USP6: variants seen among roughly 807,000 people sequenced by gnomAD.
The protein encoded by USP6 is ubiquitin specific peptidase 6.
Under a neutral mutation model 175.7 loss-of-function variants are expected in USP6, and 128 were observed. The ratio of observed to expected loss-of-function variants is 0.73; its 90% CI spans 0.63 to 0.84. USP6 has a LOEUF of 0.84. Among genes scored for constraint, USP6 ranks in the 40% least tolerant of loss-of-function variants. USP6 has a pLI of 0.00. For synonymous variants in USP6, 562 were observed against 630.6 expected (o/e 0.89, Z 1.63); for missense variants, 1,498 against 1,760.3 (o/e 0.85, Z 2.67).
At chr17:5,127,251 A>T (rs1355678911) in intron 6 of USP6, among the ~76,000 whole-genome samples, 1 of 152,136 alleles carries the variant, frequency 6.6e-6, no homozygotes, top group East Asian at 1.9e-4. Flanking sequence ...TCCATGAGTC[A>T]GCCACCCCTC....
chr17:5,117,247 G>T (rs2072558298), intron 1 of USP6, among the ~76,000 whole-genome samples: 1 of 152,172 alleles, frequency 6.6e-6, no homozygotes, highest in South Asian at 2.1e-4. Flanking sequence ...CCTGGGCGAG[G>T]GGGCTCAAGC....
intron 2 of USP6, among the ~76,000 whole-genome samples, chr17:5,118,641 G>T (rs1018254624): frequency 5.3e-5 from 8 of 152,252 alleles, no homozygotes; most frequent in Non-Finnish European, 1.2e-4. Flanking sequence ...AGCCAAACTT[G>T]GTGGGTCCCA....
In USP6 at chr17:5,172,988, T is replaced by G. The variant is rs775746329; in HGVS notation, c.*10T>G. 6.2e-7 allele frequency: 1 copy of G among 1,613,072 alleles called. No individual in the cohort carries two copies. The highest frequency in any genetic ancestry group is 1.1e-5 in the South Asian group (1 of 91,006). On this transcript the variant is annotated 3_prime_UTR_variant, in exon 38 of 38. Transcript: ENST00000574788. Reference sequence around the variant, plus strand: ...CTCTATGTTACAGTAAAGCTACCACTCTGGCTGCTAGACAGCTTGGTGGCG... The same window carrying G: ...CTCTATGTTACAGTAAAGCTACCACGCTGGCTGCTAGACAGCTTGGTGGCG...
At chr17:5,130,339 G>A in intron 9 of USP6, 28 bp from the exon 10 acceptor site, 3 of 1,613,196 alleles carry the variant, frequency 1.9e-6, no homozygotes, top group East Asian at 2.2e-5. Context: ...CGGGTACAGT[G>A]TAACCTTTAG....
At chr17:5,140,734 A>C (rs776990747) in intron 22 of USP6, among the ~76,000 whole-genome samples, 1 of 152,182 alleles carries the variant, frequency 6.6e-6, no homozygotes. Flanking sequence ...CCTTCAGCTC[A>C]TGCCTCTTCA....
At chr17:5,150,300 AAATAAAT>A (rs1567800998) in intron 30 of USP6, among the ~76,000 whole-genome samples, 1 of 95,826 alleles carries the variant, frequency 1.0e-5, no homozygotes, top group East Asian at 3.5e-4. Flanking sequence ...CTAAAAAAAT[AAATAAAT>A]AAATAAATAA....
rs367894156 is a variant in USP6 at position 5,146,028 on chromosome 17, A to G, written c.2173A>G (p.Lys725Glu). 3 of 1,577,298 alleles carry G rather than the reference A, an allele frequency of 1.9e-6. No individual in the cohort carries two copies. Among genetic ancestry groups the G allele is most frequent in the South Asian group, 1.2e-5 (1 of 84,626 alleles). ...SYMDLEITVI[K>E]LDGTTPVRYG... ...AGATCTTTTCTCTTTACTAGTGATT[A>G]AGTTAGATGGTACTACCCCTGTACG... Residue 725 changes from lysine to glutamate, a missense_variant, in exon 28 of 38, where the codon AAG becomes GAG. Physicochemically the swap from Lys to Glu is moderately conservative, Grantham distance 56 (BLOSUM62 1). Around this residue, in one of 2 missense-constraint regions of USP6, gnomAD observed 1,217 missense variants for 1,500.8 expected, o/e 0.81. Coordinates refer to ENST00000574788, the MANE Select transcript of USP6 (RefSeq NM_001304284.2).
intron 25 of USP6, among the ~76,000 whole-genome samples, chr17:5,144,372 G>A (rs995344375): frequency 1.3e-5 from 2 of 152,034 alleles, no homozygotes; most frequent in South Asian, 4.1e-4. Flanking sequence ...TATAGAACAG[G>A]ATGTCTTTCC....
chr17:5,137,677 G>A lies in USP6; in HGVS notation c.852G>A (p.Leu284=), dbSNP rs1349485877. The A allele has an allele frequency of 1.2e-6, 2 of 1,607,428 alleles. No individual in the cohort carries two copies. Among genetic ancestry groups the A allele is most frequent in the African/African-American group, 1.3e-5 (1 of 74,916 alleles). The change falls in exon 20 of 38, where the codon CTG becomes CTA. Residue 284 remains leucine (L), a synonymous_variant. Coordinates refer to ENST00000574788, the MANE Select transcript of USP6 (RefSeq NM_001304284.2). ...DGISLGLTLR[L]WDVYLVEGEQ... is the part of the protein sequence containing the mutation. ...TCTCTCTCGGGCTCACCCTGCGCCT[G>A]TGGGACGTGTATTTGGTGGAAGGAG...
At position 5,132,893 on chromosome 17, in the gene USP6, C is replaced by T; in HGVS notation, c.196-17C>T. ...AGCCTGGCAGCTCCACTAACTCCAA[C>T]ATGCCTCATTTGACAGAAAATTCGG... On this transcript the variant is annotated splice_polypyrimidine_tract_variant and intron_variant, in intron 12 of 37. Coordinates refer to ENST00000574788, the MANE Select transcript of USP6 (RefSeq NM_001304284.2). The surrounding 1 kb of genome is among the most constrained non-coding windows in gnomAD (Gnocchi z 4.7). 6.2e-7 allele frequency: 1 copy of T among 1,614,090 alleles called. No homozygotes were observed. Among genetic ancestry groups the T allele is most frequent in the Non-Finnish European group, 8.5e-7 (1 of 1,179,950 alleles).
At chr17:5,148,896 A>G (rs779467333) in intron 30 of USP6, 129 bp downstream of exon 30, 5 of 1,425,874 alleles carry the variant, frequency 3.5e-6, no homozygotes, top group Non-Finnish European at 4.6e-6. Context: ...AAAATTTAAT[A>G]CTTTTACAAA....
rs942306858 is a variant in USP6 at position 5,168,892 on chromosome 17, C to T, written c.3354C>T (p.Cys1118=). Residue 1118 remains cysteine, a synonymous_variant, in exon 35 of 38, where the codon TGC becomes TGT. Coordinates refer to ENST00000574788, the MANE Select transcript of USP6 (RefSeq NM_001304284.2). ...TGGTACCACGAGACCCGGCCCTCTG[C>T]CAGCATAAACCACTCACACCCCAGG... is the stretch of plus-strand genomic sequence containing the variant. ...AFLVPRDPAL[C]QHKPLTPQGD... The T allele has an allele frequency of 2.5e-6, 4 of 1,613,798 alleles. No individual in the cohort carries two copies. Among genetic ancestry groups the T allele is most frequent in the Non-Finnish European group, 3.4e-6 (4 of 1,179,870 alleles).
chr17:5,170,797 A>G lies in USP6; in HGVS notation c.3836A>G (p.Asn1279Ser), dbSNP rs774161848. The change falls in exon 36 of 38, where the codon AAT (asparagine) becomes AGT (serine). Residue 1279 changes from asparagine to serine, a missense_variant. Around this residue, in one of 2 missense-constraint regions of USP6, gnomAD observed 1,217 missense variants for 1,500.8 expected, o/e 0.81. Coordinates refer to ENST00000574788, the MANE Select transcript of USP6 (RefSeq NM_001304284.2). ...GFLYEHEACG[N>S]GCGDGYSNGQ... is the part of the protein sequence containing the mutation. ...CTTTATGAGCATGAAGCATGTGGCA[A>G]TGGCTGTGGCGATGGCTACAGCAAT... The G allele has an allele frequency of 5.6e-6, 9 of 1,613,838 alleles. No homozygotes were observed. In the Admixed American group the frequency reaches 8.3e-5, roughly 15 times the overall value.
intron 30 of USP6, among the ~76,000 whole-genome samples, chr17:5,151,587 A>G (rs2073774476): frequency 6.6e-6 from 1 of 152,222 alleles, no homozygotes; most frequent in African/African-American, 2.4e-5. Context: ...TCATCCAGAT[A>G]TCAAGATTTA....
At chr17:5,140,283 G>C (rs554777901) in intron 22 of USP6, among the ~76,000 whole-genome samples, 4 of 152,286 alleles carry the variant, frequency 2.6e-5, no homozygotes, top group African/African-American at 9.6e-5. Flanking sequence ...AAAAAATTTA[G>C]GCCGGGTGTG....
chr17:5,122,756 C>T (rs2072728674), intron 4 of USP6, among the ~76,000 whole-genome samples: 1 of 152,236 alleles, frequency 6.6e-6, no homozygotes, highest in African/African-American at 2.4e-5. Flanking sequence ...CGGGTATCCC[C>T]AAACTTCCCA....
In USP6 at chr17:5,171,663, A is replaced by AT; in HGVS notation, c.4032dup (p.Asp1345Ter). 6.2e-7 allele frequency: 1 copy of AT among 1,613,858 alleles called. No homozygotes were observed. On this transcript the variant is annotated frameshift_variant, in exon 37 of 38. Coordinates refer to ENST00000574788, the MANE Select transcript of USP6 (RefSeq NM_001304284.2). LOFTEE classifies it high-confidence loss of function. ...CCAAACTGCAAGTGGTACTGTTATA[A>AT]TGACAGCAGCTGTGAGGTAAACATT...
intron 15 of USP6, chr17:5,134,738 C>A: frequency 5.1e-6 from 1 of 194,434 alleles, no homozygotes; most frequent in South Asian, 9.5e-5. Flanking sequence ...AAGCCAGACC[C>A]AATAAGCTAC....
intron 5 of USP6, 131 bp downstream of exon 5, chr17:5,125,403 G>T (rs1871997176): frequency 6.6e-6 from 1 of 151,342 alleles, no homozygotes; most frequent in Non-Finnish European, 1.5e-5. Context: ...TGGAAGAGTT[G>T]TCTTCAAGAA....
Sources: allele counts gnomAD v4.1 joint callset (sites outside exome capture counted in the v4.1 genomes callset), GRCh38; gene constraint gnomAD v4.1.1; regional missense constraint gnomAD v4.1.1; non-coding constraint Gnocchi (gnomAD v3.1); transcripts MANE v1.5; gene names NCBI Gene and HGNC (gene_info 2026-07-23, HGNC 2026-07-21).